The following GPHN variants were observed in gnomAD, a reference collection of about 807,000 sequenced individuals.
GPHN encodes the protein gephyrin.
Under a neutral mutation model 95.5 loss-of-function variants are expected in GPHN, and 17 were observed. The observed-to-expected ratio is 0.18, with a 90% CI of 0.12 to 0.27. GPHN has a LOEUF of 0.27. Among genes scored for constraint, GPHN ranks in the 10% least tolerant of loss-of-function variants. The pLI is 1.00. For missense variants in GPHN, 660 were observed against 978.1 expected (o/e 0.67, Z 4.34); for synonymous variants, 320 against 322.5 (o/e 0.99, Z 0.08).
At chr14:67,066,430 A>C (rs780941501) in intron 11 of GPHN, among the ~76,000 whole-genome samples, 8 of 152,062 alleles carry the variant, frequency 5.3e-5, no homozygotes, top group Non-Finnish European at 1.0e-4. Context: ...CTCGAGGAGT[A>C]TCTTTGTGGT....
intron 10 of GPHN, among the ~76,000 whole-genome samples, chr14:67,049,653 C>T (rs2075211758): frequency 6.6e-6 from 1 of 151,910 alleles, no homozygotes. Context: ...GCTGGGACTA[C>T]AGGCATGCGC....
At chr14:67,429,230 ATTT>A in the GPHN span, among the ~76,000 whole-genome samples, 6 of 134,602 alleles carry the variant, frequency 4.5e-5, no homozygotes. Flanking sequence ...CAAGTGGACA[ATTT>A]TTTTTTTTTT....
the GPHN span, chr14:67,581,770 C>A: frequency 2.4e-5 from 8 of 336,558 alleles, no homozygotes; most frequent in East Asian, 4.6e-4. Context: ...TGGACTCTTA[C>A]CTCATCCAGT....
chr14:66,947,244 G>A (rs977563470), intron 8 of GPHN, among the ~76,000 whole-genome samples: 4 of 152,026 alleles, frequency 2.6e-5, no homozygotes, highest in African/African-American at 7.2e-5. Context: ...CTCTTTACCT[G>A]GCTAACTCCT....
At chr14:66,591,468 C>A (rs895703755) in intron 1 of GPHN, among the ~76,000 whole-genome samples, 11 of 152,268 alleles carry the variant, frequency 7.2e-5, no homozygotes, top group African/African-American at 2.6e-4. Flanking sequence ...TCTCAGGATA[C>A]AAAATCAATG....
chr14:66,706,500 A>G (rs1013961309), intron 2 of GPHN, among the ~76,000 whole-genome samples: 7 of 152,172 alleles, frequency 4.6e-5, no homozygotes, highest in African/African-American at 1.4e-4. Context: ...GACCTCAGAA[A>G]TAACACCACA....
At chr14:67,230,851 A>C in the GPHN span, among the ~76,000 whole-genome samples, 1 of 152,200 alleles carries the variant, frequency 6.6e-6, no homozygotes, top group Non-Finnish European at 1.5e-5. Flanking sequence ...ACCTGTGGTC[A>C]AAAAATATTA....
the GPHN span, chr14:67,334,489 T>C: frequency 6.6e-6 from 1 of 152,624 alleles, no homozygotes; most frequent in African/African-American, 2.4e-5. Flanking sequence ...TAAGCAATTA[T>C]GTTTAAGGAG....
At chr14:66,855,587 C>A (rs1364478426) in intron 4 of GPHN, among the ~76,000 whole-genome samples, 1 of 152,148 alleles carries the variant, frequency 6.6e-6, no homozygotes, top group African/African-American at 2.4e-5. Context: ...CTGTTGTGAA[C>A]ATTGGCAAAC....
Position 66,824,477 on chromosome 14 carries a change from A to G in GPHN, c.205A>G (p.Thr69Ala). Residue 69 changes from threonine (T) to alanine (A), a missense_variant, in exon 4 of 23, where the codon ACC becomes GCC. Physicochemically the swap from Thr to Ala is moderately conservative, Grantham distance 58. This residue lies in a region of GPHN where 92 missense variants were observed against 91.9 expected (regional missense o/e 1.00). Coordinates refer to ENST00000478722, the MANE Select transcript of GPHN (RefSeq NM_020806.5). ...VPDEIEEIKETLIDWCDEKEL... is the reference protein window; with the variant it reads ...VPDEIEEIKEALIDWCDEKEL... ...CTATACTATTGTTTTCTTTCAGGAA[A>G]CCCTGATAGATTGGTGTGATGAAAA... 1 of 1,550,302 alleles carries G rather than the reference A, an allele frequency of 6.5e-7. No individual in the cohort carries two copies. Among genetic ancestry groups the G allele is most frequent in the Non-Finnish European group, 8.9e-7 (1 of 1,122,672 alleles).
At chr14:67,478,648 C>G in the GPHN span, among the ~76,000 whole-genome samples, 2 of 152,230 alleles carry the variant, frequency 1.3e-5, no homozygotes, top group Non-Finnish European at 2.9e-5. Context: ...CTTCACAACT[C>G]GTCCCTGCCT....
At chr14:67,253,316 A>G in the GPHN span, among the ~76,000 whole-genome samples, 1 of 152,208 alleles carries the variant, frequency 6.6e-6, no homozygotes, top group Non-Finnish European at 1.5e-5. Context: ...CTTGGTTGTT[A>G]TAGTCTGAGG....
At chr14:66,762,768 C>A (rs2153453751) in intron 2 of GPHN, among the ~76,000 whole-genome samples, 1 of 151,990 alleles carries the variant, frequency 6.6e-6, no homozygotes, top group East Asian at 1.9e-4. Context: ...GAAGCAAAGA[C>A]TCTTCTCAAA....
intron 4 of GPHN, among the ~76,000 whole-genome samples, chr14:66,859,600 G>A (rs2062946012): frequency 6.6e-6 from 1 of 152,134 alleles, no homozygotes; most frequent in Non-Finnish European, 1.5e-5. Flanking sequence ...GATCACCCAG[G>A]AAAACATCAC....
intron 13 of GPHN, among the ~76,000 whole-genome samples, chr14:67,108,712 G>GGTGTGTGTGTGT (rs3063159): frequency 9.9e-5 from 13 of 131,206 alleles, no homozygotes; most frequent in East Asian, 4.5e-4. Flanking sequence ...TTCCCTAAGG[G>GGTGTGTGTGTGT]GTGTGTGTGT....
At chr14:66,730,244 G>A (rs1283481556) in intron 2 of GPHN, among the ~76,000 whole-genome samples, 1 of 152,184 alleles carries the variant, frequency 6.6e-6, no homozygotes, top group Non-Finnish European at 1.5e-5. Flanking sequence ...TGTCCTTAGA[G>A]TCTGCTAGGC....
the GPHN span, among the ~76,000 whole-genome samples, chr14:67,702,270 GT>G: frequency 6.6e-6 from 1 of 152,068 alleles, no homozygotes; most frequent in African/African-American, 2.4e-5. Flanking sequence ...TGCCTGGCCT[GT>G]GCTCAGTTTT....
the GPHN span, among the ~76,000 whole-genome samples, chr14:67,233,352 G>T: frequency 6.6e-6 from 1 of 152,114 alleles, no homozygotes; most frequent in Admixed American, 6.6e-5. Context: ...ATGTTGCCCA[G>T]GCTGGTCATG....
chr14:66,693,847 A>C (rs1231197620), intron 2 of GPHN, among the ~76,000 whole-genome samples: 1 of 152,206 alleles, frequency 6.6e-6, no homozygotes, highest in Non-Finnish European at 1.5e-5. Context: ...ACATTTTCAT[A>C]ATACTCTGTT....
Sources: gnomAD v4.1 joint callset for allele counts (sites outside exome capture counted in the v4.1 genomes callset) on GRCh38, gnomAD v4.1.1 for gene constraint, gnomAD v4.1.1 regional missense constraint, MANE v1.5 for transcripts, NCBI Gene and HGNC (gene_info 2026-07-23, HGNC 2026-07-21) for gene names.